Variants in BARHL1 observed in about 807,000 individuals in gnomAD.
BARHL1 encodes the protein barH-like 1 homeobox protein.
A neutral mutation model predicts 20.1 loss-of-function variants in BARHL1; 2 were observed. That is an observed-to-expected ratio of 0.10 (90% CI 0.04 to 0.31). The LOEUF (loss-of-function observed/expected upper bound fraction) is 0.31, where lower values mean the gene tolerates loss of function less well. Among genes scored for constraint, BARHL1 ranks in the 10% least tolerant of loss-of-function variants. The pLI is 1.00. For missense variants in BARHL1, 397 were observed against 454.0 expected, an observed-to-expected ratio of 0.87 and a Z score of 1.14; for synonymous variants, 213 against 209.9, an observed-to-expected ratio of 1.01 and a Z score of -0.13.
At chr9:132,585,732 C>A (rs1830136956) in intron 1 of BARHL1, among the ~76,000 whole-genome samples, 1 of 152,182 alleles carries the variant, frequency 6.6e-6, no homozygotes, top group African/African-American at 2.4e-5. Flanking sequence ...AGGCTCCAGT[C>A]CACGCTGGAG....
chr9:132,586,068 G>A (rs1830141323), intron 1 of BARHL1, among the ~76,000 whole-genome samples: 1 of 152,378 alleles, frequency 6.6e-6, no homozygotes, highest in South Asian at 2.1e-4. Flanking sequence ...CAGGTGGAAA[G>A]CCTTAGCGGG....
intron 1 of BARHL1, among the ~76,000 whole-genome samples, chr9:132,583,738 G>C (rs1830100154): frequency 6.6e-6 from 1 of 152,204 alleles, no homozygotes; most frequent in Non-Finnish European, 1.5e-5. Context: ...TACATTTCCA[G>C]ACAGGAAGAA....
Position 132,587,604 on chromosome 9 carries a change from C to CAGCT in BARHL1, c.689+54_689+57dup. The CAGCT allele has an allele frequency of 6.6e-7, 1 of 1,507,066 alleles. No individual in the cohort carries two copies. Among genetic ancestry groups the CAGCT allele is most frequent in the East Asian group, 2.4e-5 (1 of 41,174 alleles). The allele number at this position is 1,507,066 out of a possible 1,614,324, so 93.4% of individuals were successfully genotyped here. On this transcript the variant is annotated intron_variant, in intron 2 of 2. Transcript: ENST00000263610. This position sits in a 1 kb window ranked among gnomAD's most constrained non-coding sequence, Gnocchi z 5.5. ...AGAAAGGGAACTTCCCCTTTCCTCA[C>CAGCT]AGCTCCTGGAGGGGACCAGGAGTCT...
In BARHL1 at chr9:132,587,124, G is replaced by A. The variant is rs1830152584; in HGVS notation, c.467-205G>A. ...TGCCCGGGGGGTCTCGGCCTCGGGC[G>A]CTCCCGCCGCCGTCCTGTTCCCCTC... On this transcript the variant is annotated intron_variant, in intron 1 of 2. Coordinates refer to ENST00000263610, the MANE Select transcript of BARHL1 (RefSeq NM_020064.4). This position sits in a 1 kb window ranked among gnomAD's most constrained non-coding sequence, Gnocchi z 5.5. Among the ~76,000 whole-genome samples the A allele has an allele frequency of 6.6e-6, 1 of 152,328 alleles. No homozygotes were observed. Among genetic ancestry groups the A allele is most frequent in the African/African-American group, 2.4e-5 (1 of 41,592 alleles).
At position 132,589,233 on chromosome 9, in the gene BARHL1, A is replaced by G. The variant is rs775662670; in HGVS notation, c.695A>G (p.Lys232Arg). ...VKTWYQNRRT[K>R]WKRQTAVGLE... ...GCGTTTATTTCGGCCCCCAGGACTA[A>G]ATGGAAGCGACAGACGGCCGTCGGG... Residue 232 changes from lysine (K) to arginine (R), a missense_variant, in exon 3 of 3, where the codon AAA (lysine) becomes AGA (arginine). Lys to Arg is a conservative substitution (Grantham distance 26). Coordinates refer to ENST00000263610, the MANE Select transcript of BARHL1 (RefSeq NM_020064.4). The G allele has an allele frequency of 1.9e-6, 3 of 1,611,376 alleles. No homozygotes were observed. The highest frequency in any genetic ancestry group is 2.5e-6 in the Non-Finnish European group (3 of 1,179,056).
intron 1 of BARHL1, among the ~76,000 whole-genome samples, chr9:132,585,002 G>C (rs1187709225): frequency 6.6e-6 from 1 of 152,222 alleles, no homozygotes; most frequent in Non-Finnish European, 1.5e-5. Context: ...CTAATGGCTG[G>C]AACTGGAGAT....
chr9:132,583,331 A>G, intron 1 of BARHL1, 68 bp downstream of exon 1: 1 of 1,389,114 alleles, frequency 7.2e-7, no homozygotes. Context: ...TAAAAGGAAT[A>G]CACATGGCGG....
rs1039767707 is a variant in BARHL1, at chr9:132,587,109, G to T, written c.467-220G>T. Among the ~76,000 whole-genome samples, 4 of 152,236 alleles carry T rather than the reference G, an allele frequency of 2.6e-5. No homozygotes were observed. Among genetic ancestry groups the T allele is most frequent in the Non-Finnish European group, 5.9e-5 (4 of 68,052 alleles). The stretch of plus-strand genomic sequence containing the variant: ...CTTTCTCCCCGGAGCTGCCCGGGGG[G>T]TCTCGGCCTCGGGCGCTCCCGCCGC... On this transcript the variant is annotated intron_variant, in intron 1 of 2. Coordinates refer to ENST00000263610, the MANE Select transcript of BARHL1 (RefSeq NM_020064.4). The surrounding 1 kb of genome is among the most constrained non-coding windows in gnomAD (Gnocchi z 5.5).
In BARHL1 at chr9:132,587,283, G is replaced by C; in HGVS notation, c.467-46G>C. 2.0e-6 allele frequency: 3 copies of C among 1,519,772 alleles called. No individual in the cohort carries two copies. The highest frequency in any genetic ancestry group is 2.7e-6 in the Non-Finnish European group (3 of 1,123,904). 94.1% of individuals were successfully genotyped at this position (1,519,772 alleles called of 1,614,324 possible). On this transcript the variant is annotated intron_variant, in intron 1 of 2. Coordinates refer to ENST00000263610, the MANE Select transcript of BARHL1 (RefSeq NM_020064.4). This position sits in a 1 kb window ranked among gnomAD's most constrained non-coding sequence, Gnocchi z 5.5. Reference sequence around the variant, plus strand: ...CCACGGGCAGGAGCGGGAGGGCACCGGCGGCGGCTGCGAGGCCGGGCCCTG... The same window carrying C: ...CCACGGGCAGGAGCGGGAGGGCACCCGCGGCGGCTGCGAGGCCGGGCCCTG...
chr9:132,587,582 A>G lies in BARHL1; in HGVS notation c.689+31A>G, dbSNP rs750648238. ...GCCTGGCTGCGGGGGTAGAGGCAGA[A>G]AGGGAACTTCCCCTTTCCTCACAGC... On this transcript the variant is annotated intron_variant, in intron 2 of 2. Coordinates refer to ENST00000263610, the MANE Select transcript of BARHL1 (RefSeq NM_020064.4). This position sits in a 1 kb window ranked among gnomAD's most constrained non-coding sequence, Gnocchi z 5.5. 6.4e-7 allele frequency: 1 copy of G among 1,571,924 alleles called. No homozygotes were observed. Among genetic ancestry groups the G allele is most frequent in the East Asian group, 2.3e-5 (1 of 42,922 alleles).
rs1433738931 is a variant in BARHL1 at position 132,589,211 on chromosome 9, T to A, written c.690-17T>A. On this transcript the variant is annotated splice_polypyrimidine_tract_variant and intron_variant, in intron 2 of 2. Transcript: ENST00000263610. Reference sequence around the variant, plus strand: ...CCTAGCCCTGATCCCGCCATACGCGTTTATTTCGGCCCCCAGGACTAAATG... The same window carrying A: ...CCTAGCCCTGATCCCGCCATACGCGATTATTTCGGCCCCCAGGACTAAATG... 1 of 1,601,650 alleles carries A rather than the reference T, an allele frequency of 6.2e-7. No homozygotes were observed. The highest frequency in any genetic ancestry group is 2.2e-5 in the East Asian group (1 of 44,564).
Position 132,582,819 on chromosome 9 carries a change from G to A in BARHL1, c.22G>A (p.Gly8Arg). The stretch of plus-strand genomic sequence containing the variant: ...GGCTATGGAAGGCTCCAATGGCTTT[G>A]GGATCGACTCCATTCTCTCCCACCG... MEGSNGF[G>R]IDSILSHRAG... The change falls in exon 1 of 3, where the codon GGG becomes AGG. Residue 8 changes from glycine to arginine, a missense_variant. Transcript: ENST00000263610. 6.3e-7 allele frequency: 1 copy of A among 1,598,464 alleles called. No individual in the cohort carries two copies. The highest frequency in any genetic ancestry group is 8.6e-7 in the Non-Finnish European group (1 of 1,169,568).
intron 2 of BARHL1, among the ~76,000 whole-genome samples, chr9:132,588,345 AT>A (rs1250479068): frequency 3.3e-5 from 5 of 152,200 alleles, no homozygotes; most frequent in African/African-American, 1.2e-4. Flanking sequence ...GGTGCTTTTC[AT>A]AAACAAGCCT....
chr9:132,587,771 G>T lies in BARHL1; in HGVS notation c.689+220G>T, dbSNP rs1301817155. 1.3e-5 allele frequency among the ~76,000 whole-genome samples: 2 copies of T among 152,240 alleles called. No individual in the cohort carries two copies. Among genetic ancestry groups the T allele is most frequent in the Non-Finnish European group, 2.9e-5 (2 of 68,052 alleles). ...GACTAGACTTGGTGTCCAGCGTCCAGTCAGCCCTCCCCCGGATGGGTGGAC... is the reference window on the plus strand; with the variant it reads ...GACTAGACTTGGTGTCCAGCGTCCATTCAGCCCTCCCCCGGATGGGTGGAC... On this transcript the variant is annotated intron_variant, in intron 2 of 2. Coordinates refer to ENST00000263610, the MANE Select transcript of BARHL1 (RefSeq NM_020064.4). This position sits in a 1 kb window ranked among gnomAD's most constrained non-coding sequence, Gnocchi z 5.5.
chr9:132,583,179 C>T lies in BARHL1; in HGVS notation c.382C>T (p.Arg128Cys), dbSNP rs763702971. 3.7e-6 allele frequency: 6 copies of T among 1,613,364 alleles called. No individual in the cohort carries two copies. Among genetic ancestry groups the T allele is most frequent in the Non-Finnish European group, 5.1e-6 (6 of 1,179,936 alleles). ...GCCGGCAGCCCCTGAGCCTGGGGGC[C>T]GCCTTGCGGCCAAGGCCGCGGAGGA... ...GQPAAPEPGG[R>C]LAAKAAEDFR... is the part of the protein sequence containing the mutation. The change falls in exon 1 of 3, where the codon CGC (arginine) becomes TGC (cysteine). Residue 128 changes from arginine (R) to cysteine (C), a missense_variant. Coordinates refer to ENST00000263610, the MANE Select transcript of BARHL1 (RefSeq NM_020064.4).
chr9:132,582,758 G>A lies in BARHL1; in HGVS notation c.-40G>A, dbSNP rs1467410145. The A allele has an allele frequency of 6.6e-7, 1 of 1,518,804 alleles. No individual in the cohort carries two copies. Among genetic ancestry groups the A allele is most frequent in the Non-Finnish European group, 8.9e-7 (1 of 1,119,936 alleles). 94.1% of individuals were successfully genotyped at this position (1,518,804 alleles called of 1,614,324 possible). A position where few individuals can be genotyped will look rare whatever the true frequency, so the allele number is the denominator to read the frequency against. ...GGCAGCGGCGGCTGGGGTTGGGGGT[G>A]GGTGGGGAGCTTTTGGGGAGGACAG... On this transcript the variant is annotated 5_prime_UTR_variant, in exon 1 of 3. Transcript: ENST00000263610.
intron 2 of BARHL1, among the ~76,000 whole-genome samples, chr9:132,588,631 G>A (rs753604285): frequency 6.6e-6 from 1 of 151,950 alleles, no homozygotes; most frequent in African/African-American, 2.4e-5. Flanking sequence ...CGCAGGGCTC[G>A]CAGTGCGAGC....
chr9:132,585,424 C>T (rs957665230), intron 1 of BARHL1, among the ~76,000 whole-genome samples: 8 of 152,316 alleles, frequency 5.3e-5, no homozygotes, highest in South Asian at 4.2e-4. Context: ...GGAAGGTCAG[C>T]CTCATCCCAA....
intron 2 of BARHL1, among the ~76,000 whole-genome samples, chr9:132,588,548 G>A (rs1163230607): frequency 6.6e-6 from 1 of 152,068 alleles, no homozygotes; most frequent in Non-Finnish European, 1.5e-5. Flanking sequence ...GTGAGCCTAG[G>A]GTCCAGGCCT....
Sources: gnomAD v4.1 joint callset for allele counts (sites outside exome capture counted in the v4.1 genomes callset) on GRCh38, gnomAD v4.1.1 for gene constraint, Gnocchi (gnomAD v3.1) non-coding constraint, MANE v1.5 for transcripts, NCBI Gene and HGNC (gene_info 2026-07-23, HGNC 2026-07-21) for gene names.